The following REC114 variants were observed in gnomAD, a reference collection of about 807,000 sequenced individuals.
REC114 encodes the protein REC114 meiotic recombination protein.
A neutral mutation model predicts 31.3 loss-of-function variants in REC114; 27 were observed. The observed-to-expected ratio is 0.86, with a 90% CI of 0.64 to 1.19. REC114 has a LOEUF of 1.19. REC114 is among the 50% of genes most tolerant of loss of function. REC114 has a pLI of 0.00. For synonymous variants in REC114, 134 were observed against 127.7 expected (o/e 1.05, Z -0.33); for missense variants, 344 against 326.9 (o/e 1.05, Z -0.40).
chr15:73,473,426 A>G (rs1595864143), intron 1 of REC114, among the ~76,000 whole-genome samples: 1 of 152,056 alleles, frequency 6.6e-6, no homozygotes, highest in South Asian at 2.1e-4. Context: ...AATGGATTAC[A>G]TGGCTGAAGA....
chr15:73,467,887 A>G (rs1008569398), intron 1 of REC114, among the ~76,000 whole-genome samples: 3 of 151,180 alleles, frequency 2.0e-5, no homozygotes, highest in Non-Finnish European at 4.4e-5. Flanking sequence ...TGGAGGCTCA[A>G]GAATCTTTTT....
At chr15:73,499,576 C>T (rs1216015294) in intron 2 of REC114, among the ~76,000 whole-genome samples, 2 of 152,160 alleles carry the variant, frequency 1.3e-5, no homozygotes, top group Non-Finnish European at 2.9e-5. Flanking sequence ...CCACTGATCA[C>T]TTTCTTTAGT....
At chr15:73,451,055 C>G (rs1892840071) in intron 1 of REC114, among the ~76,000 whole-genome samples, 1 of 152,170 alleles carries the variant, frequency 6.6e-6, no homozygotes. Flanking sequence ...GGTTGGCACC[C>G]TAACATCACA....
At chr15:73,500,728 G>GGT (rs1371374716) in intron 2 of REC114, among the ~76,000 whole-genome samples, 1 of 103,732 alleles carries the variant, frequency 9.6e-6, no homozygotes, top group African/African-American at 3.3e-5. Flanking sequence ...TTCAATTATT[G>GGT]TTTTTTTTTT....
chr15:73,486,361 G>A (rs866311453), intron 2 of REC114, among the ~76,000 whole-genome samples: 5 of 152,218 alleles, frequency 3.3e-5, no homozygotes, highest in African/African-American at 9.6e-5. Flanking sequence ...CTCCCAAAGT[G>A]CTTGGATTAC....
chr15:73,462,328 GC>G (rs1893000273), intron 1 of REC114, among the ~76,000 whole-genome samples: 1 of 151,832 alleles, frequency 6.6e-6, no homozygotes, highest in Non-Finnish European at 1.5e-5. Flanking sequence ...CCAGAAATAA[GC>G]AATTTTTTTT....
intron 2 of REC114, among the ~76,000 whole-genome samples, chr15:73,539,666 C>G (rs959274268): frequency 6.6e-6 from 1 of 151,730 alleles, no homozygotes; most frequent in Non-Finnish European, 1.5e-5. Context: ...AGCAGCCTTC[C>G]CTGGCTGTGG....
At chr15:73,502,346 G>C (rs1893614825) in intron 2 of REC114, among the ~76,000 whole-genome samples, 1 of 152,028 alleles carries the variant, frequency 6.6e-6, no homozygotes, top group Non-Finnish European at 1.5e-5. Flanking sequence ...CAGGGGTTAG[G>C]GGCACCAACC....
chr15:73,454,531 A>G (rs1056922078), intron 1 of REC114, among the ~76,000 whole-genome samples: 6 of 152,198 alleles, frequency 3.9e-5, no homozygotes, highest in African/African-American at 1.2e-4. Context: ...TATTAGAGCC[A>G]GGGGCACTCC....
chr15:73,545,282 A>G (rs1265757626), intron 3 of REC114, among the ~76,000 whole-genome samples: 2 of 152,196 alleles, frequency 1.3e-5, no homozygotes, highest in Non-Finnish European at 2.9e-5. Context: ...TAGAGACTGT[A>G]TATTTGGCGA....
At chr15:73,539,281 G>GTTTTTTTTT (rs1894206286) in intron 2 of REC114, among the ~76,000 whole-genome samples, 1 of 101,172 alleles carries the variant, frequency 9.9e-6, no homozygotes, top group Non-Finnish European at 1.9e-5. Flanking sequence ...TTTCAGAACT[G>GTTTTTTTTT]ATTTTTTTTT....
chr15:73,499,321 A>C (rs1039408381), intron 2 of REC114, among the ~76,000 whole-genome samples: 2 of 152,060 alleles, frequency 1.3e-5, no homozygotes, highest in African/African-American at 4.8e-5. Flanking sequence ...CATTCCTGCA[A>C]GGTCATGTGG....
chr15:73,494,528 C>T (rs551505807), intron 2 of REC114, among the ~76,000 whole-genome samples: 1 of 151,894 alleles, frequency 6.6e-6, no homozygotes, highest in East Asian at 1.9e-4. Flanking sequence ...ATTTTCTTAC[C>T]TCAAAGTCTA....
Position 73,519,135 on chromosome 15 carries a change from A to C in REC114, c.250-21350A>C, listed in dbSNP as rs557539405. Among the ~76,000 whole-genome samples, 3 of 152,320 alleles carry C rather than the reference A, an allele frequency of 2.0e-5. No individual in the cohort carries two copies. In the South Asian group the frequency reaches 6.2e-4, roughly 32 times the overall value. On this transcript the variant is annotated intron_variant, in intron 2 of 5. Coordinates refer to ENST00000331090, the MANE Select transcript of REC114 (RefSeq NM_001042367.2). ...TGGTCTGAATGTTTGTGTCCCCCTA[A>C]AATTCATATGTTGAAACCTAATCCT...
chr15:73,478,542 C>T (rs1893248274), intron 2 of REC114, among the ~76,000 whole-genome samples: 1 of 151,926 alleles, frequency 6.6e-6, no homozygotes, highest in Non-Finnish European at 1.5e-5. Flanking sequence ...TGTTCTTTTT[C>T]AAAGTTGTTT....
chr15:73,514,882 C>T (rs953802715), intron 2 of REC114, among the ~76,000 whole-genome samples: 5 of 151,096 alleles, frequency 3.3e-5, no homozygotes, highest in South Asian at 2.1e-4. Flanking sequence ...GGCTAAGACT[C>T]CTTTCTCAAA....
chr15:73,537,639 GCA>G (rs1254232798), intron 2 of REC114, among the ~76,000 whole-genome samples: 17 of 152,266 alleles, frequency 1.1e-4, no homozygotes, highest in East Asian at 1.9e-4. Flanking sequence ...TTAACTATAA[GCA>G]CAGTGTTGTC....
At chr15:73,540,384 C>A in intron 2 of REC114, 101 bp from the exon 3 acceptor site, 1 of 890,982 alleles carries the variant, frequency 1.1e-6, no homozygotes, top group Non-Finnish European at 1.9e-6. Context: ...TTGAGTTACA[C>A]AATAAACAAA....
intron 2 of REC114, among the ~76,000 whole-genome samples, chr15:73,516,838 G>T (rs568332850): frequency 1.2e-4 from 19 of 152,290 alleles, no homozygotes; most frequent in African/African-American, 4.6e-4. Flanking sequence ...TGTTGGCCAG[G>T]CTGGTCTTGA....
Sources: gnomAD v4.1 joint callset for allele counts (sites outside exome capture counted in the v4.1 genomes callset) on GRCh38, gnomAD v4.1.1 for gene constraint, MANE v1.5 for transcripts, NCBI Gene and HGNC (gene_info 2026-07-23, HGNC 2026-07-21) for gene names.